EEIG1: variants seen among roughly 807,000 people sequenced by gnomAD.
The protein encoded by EEIG1 is estrogen-induced osteoclastogenesis regulator 1.
the EEIG1 span, among the ~76,000 whole-genome samples, chr9:127,971,922 A>AC: frequency 6.6e-6 from 1 of 152,102 alleles, no homozygotes; most frequent in East Asian, 1.9e-4. Context: ...AGGCACAGAA[A>AC]CCAGAAGGGC....
the EEIG1 span, among the ~76,000 whole-genome samples, chr9:127,946,695 C>G: frequency 6.6e-6 from 1 of 152,192 alleles, no homozygotes; most frequent in African/African-American, 2.4e-5. Flanking sequence ...AGTAATTGTG[C>G]TGGGAAGCCC....
At chr9:127,974,010 G>A in the EEIG1 span, among the ~76,000 whole-genome samples, 4 of 152,318 alleles carry the variant, frequency 2.6e-5, no homozygotes, top group East Asian at 5.8e-4. Flanking sequence ...TGATTTTCAT[G>A]CAATCACAAA....
the EEIG1 span, chr9:127,953,741 C>A: frequency 6.2e-7 from 1 of 1,612,302 alleles, no homozygotes; most frequent in Non-Finnish European, 8.5e-7. Flanking sequence ...GCTGGGGGTG[C>A]GGACTCATGA....
chr9:127,980,013 T>C, the EEIG1 span: 1 of 1,612,502 alleles, frequency 6.2e-7, no homozygotes. Context: ...GCTGACAAAA[T>C]CCCCTCCATC....
At chr9:127,950,713 G>A in the EEIG1 span, 2 of 1,390,914 alleles carry the variant, frequency 1.4e-6, no homozygotes, top group Non-Finnish European at 1.9e-6. Context: ...AGAGGCCCCG[G>A]GTCGGCAGCA....
chr9:127,951,127 G>T, the EEIG1 span, among the ~76,000 whole-genome samples: 1 of 152,152 alleles, frequency 6.6e-6, no homozygotes, highest in East Asian at 1.9e-4. Context: ...GGGAGTAAGT[G>T]CGAAGAGGGC....
the EEIG1 span, among the ~76,000 whole-genome samples, chr9:127,979,685 A>T: frequency 6.6e-6 from 1 of 152,230 alleles, no homozygotes; most frequent in African/African-American, 2.4e-5. Context: ...CCTCCCCTGC[A>T]CAATCGCTCA....
chr9:127,962,340 GC>G, the EEIG1 span, among the ~76,000 whole-genome samples: 2 of 152,226 alleles, frequency 1.3e-5, no homozygotes, highest in Admixed American at 1.3e-4. Context: ...TGGGCATGGT[GC>G]CCCTTTTTTC....
the EEIG1 span, among the ~76,000 whole-genome samples, chr9:127,955,175 G>A: frequency 3.3e-5 from 5 of 152,270 alleles, no homozygotes; most frequent in African/African-American, 7.2e-5. Context: ...CCCGAGGAGA[G>A]TGGGTTAACT....
the EEIG1 span, among the ~76,000 whole-genome samples, chr9:127,964,285 C>A: frequency 6.6e-6 from 1 of 152,218 alleles, no homozygotes; most frequent in Non-Finnish European, 1.5e-5. Flanking sequence ...GAGAATTCTG[C>A]CTCTGTGGTC....
the EEIG1 span, among the ~76,000 whole-genome samples, chr9:127,949,665 C>A: frequency 6.6e-6 from 1 of 152,206 alleles, no homozygotes; most frequent in African/African-American, 2.4e-5. Flanking sequence ...GGCCCCAGAG[C>A]CCCTGCTCAC....
chr9:127,952,236 G>A, the EEIG1 span, among the ~76,000 whole-genome samples: 3 of 152,248 alleles, frequency 2.0e-5, no homozygotes, highest in Non-Finnish European at 2.9e-5. Context: ...TCAGCGCCCC[G>A]GGCCAGGGCA....
chr9:127,944,897 G>A, the EEIG1 span: 7 of 1,610,972 alleles, frequency 4.3e-6, no homozygotes, highest in South Asian at 1.1e-5. Context: ...TCCTTCTTCC[G>A]CCTGGGTCAG....
chr9:127,945,850 G>C, the EEIG1 span: 1 of 804,702 alleles, frequency 1.2e-6, no homozygotes, highest in Non-Finnish European at 2.1e-6. This position sits in a 1 kb window ranked among gnomAD's most constrained non-coding sequence, Gnocchi z 6.5. Context: ...GCCTCCCATG[G>C]CAGGGCGCCA....
chr9:127,980,974 G>A, the EEIG1 span, among the ~76,000 whole-genome samples: 11 of 149,402 alleles, frequency 7.4e-5, no homozygotes, highest in East Asian at 1.2e-3. Flanking sequence ...ATGCTGCGAG[G>A]CGCCGCTTGG....
chr9:127,978,479 G>A, the EEIG1 span, among the ~76,000 whole-genome samples: 3 of 152,056 alleles, frequency 2.0e-5, no homozygotes, highest in Admixed American at 2.0e-4. Context: ...GAAGCAGCGT[G>A]TCCCAGGCAC....
chr9:127,980,199 T>A, the EEIG1 span: 1 of 1,534,782 alleles, frequency 6.5e-7, no homozygotes, highest in Non-Finnish European at 8.9e-7. Context: ...ACGGGATTCC[T>A]TTCCCTACAC....
At chr9:127,970,675 G>A in the EEIG1 span, among the ~76,000 whole-genome samples, 19 of 152,206 alleles carry the variant, frequency 1.2e-4, no homozygotes, top group South Asian at 6.2e-4. Flanking sequence ...AATGTGACTC[G>A]GATTCACAGC....
chr9:127,949,311 C>CAAA, the EEIG1 span, among the ~76,000 whole-genome samples: 46 of 89,916 alleles, frequency 5.1e-4, no homozygotes, highest in Admixed American at 7.5e-4. Flanking sequence ...GACTCTGTCT[C>CAAA]AAAAAAAAAA....
Sources: gnomAD v4.1 joint callset for allele counts (sites outside exome capture counted in the v4.1 genomes callset) on GRCh38, gnomAD v4.1.1 for gene constraint, Gnocchi (gnomAD v3.1) non-coding constraint, MANE v1.5 for transcripts, NCBI Gene and HGNC (gene_info 2026-07-23, HGNC 2026-07-21) for gene names.